Variants in CNTNAP3B observed in about 807,000 individuals in gnomAD.
The protein encoded by CNTNAP3B is contactin associated protein family member 3B, also known as contactin-associated protein-like 3B.
Under a neutral mutation model 108.9 loss-of-function variants are expected in CNTNAP3B, and 25 were observed. The observed-to-expected ratio is 0.23, with a 90% CI of 0.17 to 0.32. The LOEUF (loss-of-function observed/expected upper bound fraction) is 0.32. Ranked by LOEUF, CNTNAP3B falls within the 10% of genes least tolerant of loss-of-function variation. CNTNAP3B has a pLI of 1.00. For synonymous variants in CNTNAP3B, 103 were observed against 473.4 expected (o/e 0.22, Z 10.16); for missense variants, 252 against 1,210.4 (o/e 0.21, Z 11.75).
intron 12 of CNTNAP3B, among the ~76,000 whole-genome samples, chr9:41,958,676 T>C (rs1428223080): frequency 6.6e-6 from 1 of 151,186 alleles, no homozygotes; most frequent in Non-Finnish European, 1.5e-5. Flanking sequence ...GTAATTTCCT[T>C]CCTCCAGGCA....
chr9:41,934,122 T>TATATATATATATATACACAC lies in CNTNAP3B; in HGVS notation c.2237+4121_2237+4122insGTGTGTATATATATATATAT, dbSNP rs1214326050. Among the ~76,000 whole-genome samples the TATATATATATATATACACAC allele has an allele frequency of 2.8e-3, 207 of 73,280 alleles. 1 individual carries two copies. Among genetic ancestry groups the TATATATATATATATACACAC allele is most frequent in the Middle Eastern group, 7.2e-3 (1 of 138 alleles). 48.1% of individuals were successfully genotyped at this position (73,280 alleles called of 152,430 possible). On this transcript the variant is annotated intron_variant, in intron 14 of 23. Coordinates refer to ENST00000377561, the MANE Select transcript of CNTNAP3B (RefSeq NM_001201380.3). ...TTACATATATATATATATATATATA[T>TATATATATATATATACACAC]ACACACACATATATATATACACACA...
intron 3 of CNTNAP3B, among the ~76,000 whole-genome samples, chr9:42,045,698 T>C (rs555723620): frequency 5.3e-5 from 8 of 150,084 alleles, no homozygotes; most frequent in South Asian, 2.1e-4. Context: ...AAATATGGTA[T>C]AATTTTTAAA....
chr9:42,127,565 G>A (rs1828600180), intron 1 of CNTNAP3B, among the ~76,000 whole-genome samples: 1 of 139,494 alleles, frequency 7.2e-6, no homozygotes, highest in South Asian at 2.3e-4. Flanking sequence ...CTTTCTATAA[G>A]TAACTCATTT....
chr9:42,071,481 T>C (rs1827378410), intron 3 of CNTNAP3B, among the ~76,000 whole-genome samples: 1 of 135,006 alleles, frequency 7.4e-6, no homozygotes. Flanking sequence ...CGGTCAAAGT[T>C]GCTTATTTCT....
chr9:41,929,658 C>T (rs1341601212), intron 14 of CNTNAP3B, among the ~76,000 whole-genome samples: 1 of 138,364 alleles, frequency 7.2e-6, no homozygotes, highest in Non-Finnish European at 1.6e-5. Flanking sequence ...CTGTGCAGGC[C>T]ATGCAGCTTC....
chr9:42,023,355 CT>C (rs1171959987), intron 3 of CNTNAP3B, among the ~76,000 whole-genome samples: 1 of 151,794 alleles, frequency 6.6e-6, no homozygotes, highest in Non-Finnish European at 1.5e-5. Flanking sequence ...GGTTGAATTC[CT>C]TCTTCTGAGG....
intron 7 of CNTNAP3B, chr9:41,994,783 C>T: frequency 3.9e-6 from 1 of 254,118 alleles, no homozygotes; most frequent in South Asian, 2.3e-5. Context: ...CCAACTCCTC[C>T]AGCACATAAC....
chr9:42,044,860 A>T (rs1826839488), intron 3 of CNTNAP3B, among the ~76,000 whole-genome samples: 1 of 120,852 alleles, frequency 8.3e-6, no homozygotes, highest in African/African-American at 3.3e-5. Context: ...TCAGAGAAAA[A>T]TCCTGAGCAA....
rs1824237555 is a variant in CNTNAP3B, at chr9:41,938,789, A to C, written c.2081-389T>G. On this transcript the variant is annotated intron_variant, in intron 13 of 23. Coordinates refer to ENST00000377561, the MANE Select transcript of CNTNAP3B (RefSeq NM_001201380.3). The stretch of plus-strand genomic sequence containing the variant: ...GTTCATTGAGAAAGTTTAATATTAT[A>C]CAAAGACATTGATTTATCTCATCCC... Among the ~76,000 whole-genome samples the C allele has an allele frequency of 3.3e-5, 5 of 152,404 alleles. No individual in the cohort carries two copies. The South Asian group carries it at 8.3e-4, about 25-fold the overall frequency.
At chr9:41,962,312 A>G (rs549525460) in intron 11 of CNTNAP3B, among the ~76,000 whole-genome samples, 8 of 152,392 alleles carry the variant, frequency 5.2e-5, no homozygotes, top group East Asian at 1.9e-4. Context: ...GCAAATTTCT[A>G]CCTATAGCCG....
intron 2 of CNTNAP3B, among the ~76,000 whole-genome samples, chr9:42,078,526 T>C (rs1397521695): frequency 1.4e-5 from 2 of 139,738 alleles, no homozygotes; most frequent in Admixed American, 7.1e-5. Context: ...TGTTCTATGT[T>C]CTGAATTGAA....
chr9:42,114,586 TA>T (rs1472636904), intron 1 of CNTNAP3B, among the ~76,000 whole-genome samples: 1 of 111,020 alleles, frequency 9.0e-6, no homozygotes, highest in African/African-American at 3.9e-5. Flanking sequence ...TTTTTTAACT[TA>T]AAAAGATAAG....
rs1827593339 is a variant in CNTNAP3B, at chr9:42,080,608, C to T, written c.197-3546G>A. Among the ~76,000 whole-genome samples the T allele has an allele frequency of 1.5e-5, 2 of 131,124 alleles. 1 individual carries two copies. The highest frequency in any genetic ancestry group is 3.2e-5 in the Non-Finnish European group (2 of 62,358). 86.0% of individuals were successfully genotyped at this position (131,124 alleles called of 152,430 possible). A position where few individuals can be genotyped will look rare whatever the true frequency, so the allele number is the denominator to read the frequency against. On this transcript the variant is annotated intron_variant, in intron 2 of 23. Transcript: ENST00000377561. ...GAAAGGAGATTGGCTGACTCCACCCCCAACTAGAGTGTGGTAATTGTCCAG... is the reference window on the plus strand; with the variant it reads ...GAAAGGAGATTGGCTGACTCCACCCTCAACTAGAGTGTGGTAATTGTCCAG...
chr9:41,983,938 T>C lies in CNTNAP3B; in HGVS notation c.1477+2230A>G, dbSNP rs1825679507. Among the ~76,000 whole-genome samples the C allele has an allele frequency of 2.0e-5, 2 of 98,994 alleles. 1 individual carries two copies. The highest frequency in any genetic ancestry group is 4.2e-5 in the Non-Finnish European group (2 of 48,158). 64.9% of individuals were successfully genotyped at this position (98,994 alleles called of 152,430 possible). ...GATGGTGGGTGCCTGTAGTCCCAGC[T>C]ACTCAGGAGGCTGAGGCAGGAGAAT... On this transcript the variant is annotated intron_variant, in intron 9 of 23. Transcript: ENST00000377561.
At chr9:41,952,248 G>T (rs1190948282) in intron 13 of CNTNAP3B, among the ~76,000 whole-genome samples, 1 of 152,182 alleles carries the variant, frequency 6.6e-6, no homozygotes, top group African/African-American at 2.4e-5. Flanking sequence ...TTTAATTTAA[G>T]TGGCTTTATT....
chr9:41,955,206 C>A (rs1449305248), intron 12 of CNTNAP3B, among the ~76,000 whole-genome samples: 1 of 147,802 alleles, frequency 6.8e-6, no homozygotes, highest in African/African-American at 2.5e-5. Flanking sequence ...GGCTGGTGGG[C>A]AGTATGATAG....
intron 14 of CNTNAP3B, among the ~76,000 whole-genome samples, chr9:41,935,154 T>C (rs1437529545): frequency 6.6e-6 from 1 of 152,310 alleles, no homozygotes; most frequent in Non-Finnish European, 1.5e-5. Flanking sequence ...TTTAAATATA[T>C]GTTTTTATAA....
chr9:42,071,467 A>T (rs1478215131), intron 3 of CNTNAP3B, among the ~76,000 whole-genome samples: 2 of 135,452 alleles, frequency 1.5e-5, no homozygotes, highest in African/African-American at 2.9e-5. Context: ...ATAAGCAGAG[A>T]ATACGGTCAA....
rs570272482 is a variant in CNTNAP3B at position 42,127,451 on chromosome 9, C to G, written c.85+1559G>C. ...CAGGATCTCAGATTTCATTTTTCTCCAGGAAGGTCTTTTTGAAGCCCTGTT... is the reference window on the plus strand; with the variant it reads ...CAGGATCTCAGATTTCATTTTTCTCGAGGAAGGTCTTTTTGAAGCCCTGTT... On this transcript the variant is annotated intron_variant, in intron 1 of 23. Transcript: ENST00000377561. 5.0e-5 allele frequency among the ~76,000 whole-genome samples: 7 copies of G among 139,546 alleles called. 2 individuals carry two copies. Among genetic ancestry groups the G allele is most frequent in the African/African-American group, 2.0e-4 (7 of 35,286 alleles). 91.5% of individuals were successfully genotyped at this position (139,546 alleles called of 152,430 possible).
Sources: allele counts gnomAD v4.1 joint callset (sites outside exome capture counted in the v4.1 genomes callset), GRCh38; gene constraint gnomAD v4.1.1; transcripts MANE v1.5; gene names NCBI Gene and HGNC (gene_info 2026-07-23, HGNC 2026-07-21).